CACNA2D3: variants seen among roughly 807,000 people sequenced by gnomAD.
CACNA2D3 encodes calcium voltage-gated channel auxiliary subunit alpha2delta 3, also known as voltage-dependent calcium channel subunit alpha-2/delta-3.
A neutral mutation model predicts 160.6 loss-of-function variants in CACNA2D3; 60 were observed. That is an observed-to-expected ratio of 0.37 (90% CI 0.30 to 0.46). CACNA2D3 has a LOEUF of 0.46. Ranked by LOEUF, CACNA2D3 falls within the 20% of genes least tolerant of loss-of-function variation. CACNA2D3 has a pLI of 1.00. For synonymous variants in CACNA2D3, 558 were observed against 492.9 expected (o/e 1.13, Z -1.75); for missense variants, 1,205 against 1,365.0 (o/e 0.88, Z 1.85).
At chr3:55,053,636 T>C (rs552227088) in intron 35 of CACNA2D3, among the ~76,000 whole-genome samples, 1 of 152,146 alleles carries the variant, frequency 6.6e-6, no homozygotes, top group South Asian at 2.1e-4. Context: ...GAATTTTATA[T>C]CCTGCATCCT....
chr3:54,436,106 C>T (rs144099032), intron 4 of CACNA2D3, among the ~76,000 whole-genome samples: 1 of 152,206 alleles, frequency 6.6e-6, no homozygotes, highest in African/African-American at 2.4e-5. Flanking sequence ...ACTAGATTCA[C>T]ATCATCTGAG....
intron 3 of CACNA2D3, among the ~76,000 whole-genome samples, chr3:54,365,205 T>A (rs183224233): frequency 9.9e-4 from 151 of 152,360 alleles, no homozygotes; most frequent in Middle Eastern, 3.4e-3. Context: ...TCCTCTGTCA[T>A]GTTTGCTGAA....
At chr3:54,477,550 C>T (rs1700851573) in intron 4 of CACNA2D3, among the ~76,000 whole-genome samples, 1 of 152,052 alleles carries the variant, frequency 6.6e-6, no homozygotes, top group Non-Finnish European at 1.5e-5. Flanking sequence ...CTCCCTGGGC[C>T]CCCACATTAA....
intron 13 of CACNA2D3, among the ~76,000 whole-genome samples, chr3:54,804,374 A>G (rs1467376143): frequency 6.6e-6 from 1 of 152,156 alleles, no homozygotes; most frequent in Admixed American, 6.5e-5. Flanking sequence ...TACCAAGCAA[A>G]TGGAAAACAA....
chr3:54,202,886 A>G (rs1281213432), intron 2 of CACNA2D3, among the ~76,000 whole-genome samples: 1 of 152,144 alleles, frequency 6.6e-6, no homozygotes, highest in Non-Finnish European at 1.5e-5. Flanking sequence ...TGGAGAGGAA[A>G]TTCTGCTGTC....
intron 4 of CACNA2D3, among the ~76,000 whole-genome samples, chr3:54,391,775 TG>T: frequency 6.6e-6 from 1 of 152,178 alleles, no homozygotes; most frequent in Non-Finnish European, 1.5e-5. Flanking sequence ...CCTCCCAAAG[TG>T]CTGGGATTAT....
At chr3:54,918,346 TTTTTTTTTTG>T in intron 27 of CACNA2D3, 2 of 390,500 alleles carry the variant, frequency 5.1e-6, no homozygotes, top group Non-Finnish European at 8.1e-6. Context: ...TTTTTTTTTT[TTTTTTTTTTG>T]TCTTTTGGCA....
rs371418911 is a variant in CACNA2D3, at chr3:54,764,346, A to G, written c.1375A>G (p.Ser459Gly). The G allele has an allele frequency of 4.0e-5, 65 of 1,613,724 alleles. No homozygotes were observed. The highest frequency in any genetic ancestry group is 5.0e-5 in the Non-Finnish European group (59 of 1,179,778). Residue 459 changes from serine to glycine, a missense_variant, in exon 13 of 38, where the codon AGC becomes GGC. This residue lies in a region of CACNA2D3 where 911 missense variants were observed against 1,002.2 expected (regional missense o/e 0.91). Transcript: ENST00000474759. Reference sequence around the variant, plus strand: ...GGTGTGGACCGAAGCTTACATTGACAGCACTGTGAGTCCACGGGGCCCTGG... The same window carrying G: ...GGTGTGGACCGAAGCTTACATTGACGGCACTGTGAGTCCACGGGGCCCTGG... ...DVVWTEAYID[S>G]TLPQAQKLTD...
rs189988879 is a variant in CACNA2D3, at chr3:55,019,825, A to C, written c.2987+1508A>C. 3.0e-3 allele frequency among the ~76,000 whole-genome samples: 458 copies of C among 152,324 alleles called. 3 individuals carry two copies. The highest frequency in any genetic ancestry group is 0.011 in the African/African-American group (438 of 41,580). On this transcript the variant is annotated intron_variant, in intron 35 of 37. Coordinates refer to ENST00000474759, the MANE Select transcript of CACNA2D3 (RefSeq NM_018398.3). ...GCAACCATGTCTCATTCCTGATTTA[A>C]AGGAAGTGCCTCCAATAATTACATG...
At chr3:54,284,582 G>T (rs1215758334) in intron 2 of CACNA2D3, among the ~76,000 whole-genome samples, 2 of 152,090 alleles carry the variant, frequency 1.3e-5, no homozygotes, top group Non-Finnish European at 2.9e-5. Context: ...TTAATTTTAA[G>T]GATGACATCT....
At chr3:54,621,896 G>C (rs1273996334) in intron 9 of CACNA2D3, among the ~76,000 whole-genome samples, 1 of 152,192 alleles carries the variant, frequency 6.6e-6, no homozygotes, top group Admixed American at 6.5e-5. Flanking sequence ...CTTTCTTTTA[G>C]TGAATATGAA....
At chr3:54,349,303 C>T (rs181777304) in intron 3 of CACNA2D3, among the ~76,000 whole-genome samples, 1 of 152,320 alleles carries the variant, frequency 6.6e-6, no homozygotes, top group African/African-American at 2.4e-5. Flanking sequence ...GGATTGCATG[C>T]ATCCTGGCCT....
intron 4 of CACNA2D3, among the ~76,000 whole-genome samples, chr3:54,487,187 T>G (rs767556691): frequency 6.6e-6 from 1 of 152,012 alleles, no homozygotes; most frequent in Non-Finnish European, 1.5e-5. Flanking sequence ...GGCAACATAG[T>G]GAGACCCCAT....
intron 27 of CACNA2D3, among the ~76,000 whole-genome samples, chr3:54,906,581 T>C (rs1317460597): frequency 6.6e-6 from 1 of 152,200 alleles, no homozygotes; most frequent in African/African-American, 2.4e-5. Flanking sequence ...ATATTCCACG[T>C]GGGTGCTGTG....
intron 2 of CACNA2D3, among the ~76,000 whole-genome samples, chr3:54,249,822 A>C (rs1469608557): frequency 6.6e-6 from 1 of 151,836 alleles, no homozygotes; most frequent in East Asian, 1.9e-4. Context: ...AATAATATCA[A>C]AGTGGTTCAT....
chr3:54,163,322 G>T (rs1223318051), intron 2 of CACNA2D3, among the ~76,000 whole-genome samples: 1 of 152,200 alleles, frequency 6.6e-6, no homozygotes, highest in East Asian at 1.9e-4. Context: ...GCTACCTACA[G>T]TCCACCTTTT....
chr3:54,510,023 T>G (rs1701435196), intron 5 of CACNA2D3, among the ~76,000 whole-genome samples: 1 of 152,222 alleles, frequency 6.6e-6, no homozygotes, highest in Non-Finnish European at 1.5e-5. Flanking sequence ...CTCAGTCCTA[T>G]GCTTAGGCTT....
chr3:54,279,528 A>C (rs887281444), intron 2 of CACNA2D3, among the ~76,000 whole-genome samples: 3 of 152,174 alleles, frequency 2.0e-5, no homozygotes, highest in Non-Finnish European at 4.4e-5. Flanking sequence ...CTTAGCTTGC[A>C]CTTTGAAAAT....
At chr3:54,503,305 CTATT>C in intron 4 of CACNA2D3, among the ~76,000 whole-genome samples, 183 bp from the exon 5 acceptor site, 1 of 152,302 alleles carries the variant, frequency 6.6e-6, no homozygotes, top group Middle Eastern at 3.4e-3. Context: ...ACATTGGAAA[CTATT>C]TATATAATGC....
Sources: allele counts gnomAD v4.1 joint callset (sites outside exome capture counted in the v4.1 genomes callset), GRCh38; gene constraint gnomAD v4.1.1; regional missense constraint gnomAD v4.1.1; transcripts MANE v1.5; gene names NCBI Gene and HGNC (gene_info 2026-07-23, HGNC 2026-07-21).